Variants in RPGRIP1L observed in about 807,000 individuals in gnomAD.
RPGRIP1L encodes protein fantom.
A neutral mutation model predicts 160.4 loss-of-function variants in RPGRIP1L; 131 were observed. The ratio of observed to expected loss-of-function variants is 0.82; its 90% CI spans 0.71 to 0.94. The LOEUF is 0.94. Among genes scored for constraint, RPGRIP1L ranks in the 40% least tolerant of loss-of-function variants. RPGRIP1L has a pLI of 0.00. For synonymous variants in RPGRIP1L, 510 were observed against 515.8 expected (o/e 0.99, Z 0.15); for missense variants, 1,522 against 1,535.8 (o/e 0.99, Z 0.15).
chr16:53,696,363 A>G, intron 2 of RPGRIP1L, 68 bp from the exon 3 acceptor site: 4 of 1,522,456 alleles, frequency 2.6e-6, no homozygotes, highest in Non-Finnish European at 3.6e-6. Context: ...CTTGATATTA[A>G]TATAATCTCT....
At chr16:53,653,397 T>C (rs1966962519) in intron 14 of RPGRIP1L, 1 of 986,626 alleles carries the variant, frequency 1.0e-6, no homozygotes, top group South Asian at 4.0e-5. Context: ...AGATTTATAC[T>C]TTTCTTCTTC....
rs377506842 is a variant in RPGRIP1L at position 53,637,969 on chromosome 16, A to G, written c.3061-115T>C. The G allele has an allele frequency of 5.2e-5, 50 of 964,584 alleles. No individual in the cohort carries two copies. The African/African-American group carries it at 6.8e-4, about 13-fold the overall frequency. 59.8% of individuals were successfully genotyped at this position (964,584 alleles called of 1,614,324 possible). On this transcript the variant is annotated intron_variant, in intron 20 of 26. Coordinates refer to ENST00000647211, the MANE Select transcript of RPGRIP1L (RefSeq NM_015272.5). ...GTAAATTTGAGACTTAAATATACAG[A>G]TATGTAATATGTATGAGACTCAGAA...
At chr16:53,679,938 T>C (rs1441039039) in intron 6 of RPGRIP1L, among the ~76,000 whole-genome samples, 1 of 152,194 alleles carries the variant, frequency 6.6e-6, no homozygotes, top group East Asian at 1.9e-4. Context: ...AGACCTTAAG[T>C]AATGGAAACA....
chr16:53,648,603 C>T (rs12600159), intron 16 of RPGRIP1L, among the ~76,000 whole-genome samples: 7,967 of 136,244 alleles, frequency 0.058, 403 homozygotes, highest in East Asian at 0.32. Context: ...TGCACATATA[C>T]GTACGCGCGT....
chr16:53,598,775 A>T lies in RPGRIP1L; in HGVS notation c.*3301T>A, dbSNP rs180863978. 1 of 152,294 alleles carries T rather than the reference A, an allele frequency of 6.6e-6. No homozygotes were observed. The highest frequency in any genetic ancestry group is 1.9e-4 in the East Asian group (1 of 5,186). The allele number at this position is 152,294 out of a possible 1,614,324, so 9.4% of individuals were successfully genotyped here. On this transcript the variant is annotated 3_prime_UTR_variant, in exon 27 of 27. Coordinates refer to ENST00000647211, the MANE Select transcript of RPGRIP1L (RefSeq NM_015272.5). ...AGTCAGAGGCCTTCAGGCATGAGTG[A>T]CTTATTAAAATGTACTCTGATAGTT... is the stretch of plus-strand genomic sequence containing the variant.
rs971305278 is a variant in RPGRIP1L at position 53,648,319 on chromosome 16, T to A, written c.2304+645A>T. 2.6e-5 allele frequency among the ~76,000 whole-genome samples: 4 copies of A among 152,178 alleles called. No homozygotes were observed. The East Asian group carries it at 7.7e-4, about 29-fold the overall frequency. On this transcript the variant is annotated intron_variant, in intron 16 of 26. Transcript: ENST00000647211. Reference sequence around the variant, plus strand: ...AAGTTCCCAGAAAGAGAATATTAATTTTGTATCCTACTTTGCAGTTCAGAA... The same window carrying A: ...AAGTTCCCAGAAAGAGAATATTAATATTGTATCCTACTTTGCAGTTCAGAA...
intron 6 of RPGRIP1L, among the ~76,000 whole-genome samples, chr16:53,677,310 T>C (rs1374056523): frequency 1.3e-5 from 2 of 152,220 alleles, no homozygotes; most frequent in African/African-American, 4.8e-5. Flanking sequence ...CGTGGTATAA[T>C]AATGTTGTAC....
In RPGRIP1L at chr16:53,652,782, A is replaced by C. The variant is rs1353551542; in HGVS notation, c.1905T>G (p.Tyr635Ter). 2 of 1,614,056 alleles carry C rather than the reference A, an allele frequency of 1.2e-6. No individual in the cohort carries two copies. The highest frequency in any genetic ancestry group is 2.7e-5 in the African/African-American group (2 of 74,932). Residue 635 changes from tyrosine to a stop codon, truncating the protein, a stop_gained, in exon 15 of 27, where the codon TAT becomes TAG. Transcript: ENST00000647211. LOFTEE classifies it high-confidence loss of function. ...TCTGTAGTTCAAAATCATAGAAAGCATAGGTACAGAAAGTGACAGGCTCTT... is the reference window on the plus strand; with the variant it reads ...TCTGTAGTTCAAAATCATAGAAAGCCTAGGTACAGAAAGTGACAGGCTCTT... ...GDKEPVTFCT[Y>*]AFYDFELQTT...
At position 53,603,656 on chromosome 16, in the gene RPGRIP1L, G is replaced by A. The variant is rs1203953585; in HGVS notation, c.3836-1468C>T. Among the ~76,000 whole-genome samples, 10 of 147,308 alleles carry A rather than the reference G, an allele frequency of 6.8e-5. No homozygotes were observed. In the Admixed American group the frequency reaches 6.9e-4, roughly 10 times the overall value. On this transcript the variant is annotated intron_variant, in intron 26 of 26. Coordinates refer to ENST00000647211, the MANE Select transcript of RPGRIP1L (RefSeq NM_015272.5). ...TAGTTTCCAATTTATAATTCCTTAT[G>A]GTTTTCCTTGAACTTTAATGTGTGT...
chr16:53,690,145 A>C (rs1214138193), intron 4 of RPGRIP1L, among the ~76,000 whole-genome samples: 6 of 152,186 alleles, frequency 3.9e-5, no homozygotes, highest in African/African-American at 1.4e-4. Context: ...TTTTGTGTTA[A>C]ATGATCTAAT....
intron 3 of RPGRIP1L, chr16:53,693,210 T>C (rs1158137742): frequency 6.6e-6 from 1 of 152,210 alleles, no homozygotes; most frequent in Non-Finnish European, 1.5e-5. Flanking sequence ...AGTTCAAGAC[T>C]TTACAAAATT....
At chr16:53,640,951 C>T (rs371638076) in intron 19 of RPGRIP1L, 82 bp downstream of exon 19, 20 of 960,580 alleles carry the variant, frequency 2.1e-5, no homozygotes, top group African/African-American at 1.8e-4. Flanking sequence ...CCATTTAAAT[C>T]AGGTAGGGAA....
chr16:53,660,806 T>C (rs1315335909), intron 10 of RPGRIP1L, among the ~76,000 whole-genome samples: 2 of 148,808 alleles, frequency 1.3e-5, no homozygotes, highest in Middle Eastern at 3.5e-3. Context: ...GGCAGGAGAA[T>C]TGCTTGAACC....
Position 53,658,367 on chromosome 16 carries a change from A to C in RPGRIP1L, c.1401+47T>G, listed in dbSNP as rs367901039. 66 of 1,369,136 alleles carry C rather than the reference A, an allele frequency of 4.8e-5. No homozygotes were observed. In the African/African-American group the frequency reaches 8.8e-4, roughly 18 times the overall value. 84.8% of individuals were successfully genotyped at this position (1,369,136 alleles called of 1,614,324 possible). On this transcript the variant is annotated intron_variant, in intron 12 of 26. Transcript: ENST00000647211. ...AGATAAGGGTCATCATTATGCTGAA[A>C]CAGTTGTATGCAGACATGAAAATCA...
At chr16:53,630,963 C>T (rs369787971) in intron 22 of RPGRIP1L, among the ~76,000 whole-genome samples, 5 of 152,030 alleles carry the variant, frequency 3.3e-5, no homozygotes, top group African/African-American at 9.7e-5. Flanking sequence ...GAACTCCTGA[C>T]CTCAGGTAAT....
intron 1 of RPGRIP1L, chr16:53,701,746 A>C (rs893897596): frequency 1.3e-5 from 2 of 152,010 alleles, no homozygotes; most frequent in African/African-American, 4.8e-5. Context: ...GGCATTCATT[A>C]AATAGTTGTT....
At chr16:53,610,318 C>T (rs1286725158) in intron 25 of RPGRIP1L, among the ~76,000 whole-genome samples, 2 of 151,838 alleles carry the variant, frequency 1.3e-5, no homozygotes, top group Admixed American at 1.3e-4. Flanking sequence ...AAAAAAATGC[C>T]TTCAAAAAAT....
At chr16:53,698,702 G>A (rs1410220575) in intron 2 of RPGRIP1L, among the ~76,000 whole-genome samples, 18 of 145,494 alleles carry the variant, frequency 1.2e-4, no homozygotes, top group African/African-American at 4.1e-4. Context: ...CAGCCGCACC[G>A]CCCGGGAGGG....
intron 22 of RPGRIP1L, among the ~76,000 whole-genome samples, chr16:53,627,184 G>A (rs1400106834): frequency 1.3e-5 from 2 of 152,246 alleles, no homozygotes; most frequent in Admixed American, 6.5e-5. Context: ...GAATTGTTGG[G>A]CTTCTGAAAA....
Sources: allele counts gnomAD v4.1 joint callset (sites outside exome capture counted in the v4.1 genomes callset), GRCh38; gene constraint gnomAD v4.1.1; transcripts MANE v1.5; gene names NCBI Gene and HGNC (gene_info 2026-07-23, HGNC 2026-07-21).